RBFOX1: variants seen among roughly 807,000 people sequenced by gnomAD.
RBFOX1 encodes RNA binding protein fox-1 homolog 1.
A neutral mutation model predicts 57.7 loss-of-function variants in RBFOX1; 8 were observed. The ratio of observed to expected loss-of-function variants is 0.14; its 90% CI spans 0.08 to 0.25. The LOEUF is 0.25. RBFOX1 is among the 10% of genes least tolerant of loss of function. RBFOX1 has a pLI of 1.00. For missense variants in RBFOX1, 611 were observed against 548.5 expected, an observed-to-expected ratio of 1.11 and a Z score of -1.14; for synonymous variants, 326 against 222.4, an observed-to-expected ratio of 1.47 and a Z score of -4.15.
chr16:5,833,953 G>T (rs775533190), intron 3 of RBFOX1, among the ~76,000 whole-genome samples: 1 of 152,172 alleles, frequency 6.6e-6, no homozygotes. Context: ...CGTGTTTGAA[G>T]CTCCCTTTCC....
intron 4 of RBFOX1, among the ~76,000 whole-genome samples, chr16:7,176,177 A>C (rs1203936192): frequency 7.9e-6 from 1 of 126,612 alleles, no homozygotes; most frequent in African/African-American, 3.3e-5. Flanking sequence ...AGGCTCCTTA[A>C]CTGTGTTAGC....
At chr16:7,709,742 G>C (rs2083634001) in intron 15 of RBFOX1, 1 of 354,414 alleles carries the variant, frequency 2.8e-6, no homozygotes, top group Non-Finnish European at 3.5e-6. Flanking sequence ...CTGGGTTTTT[G>C]TTTTGGGAGG....
At chr16:6,714,917 G>C (rs575793325) in intron 3 of RBFOX1, among the ~76,000 whole-genome samples, 2 of 152,314 alleles carry the variant, frequency 1.3e-5, no homozygotes, top group African/African-American at 4.8e-5. Context: ...TAAAAGTGGA[G>C]ACAGATTGGA....
At chr16:5,953,459 AC>A (rs1377375516) in intron 4 of RBFOX1, among the ~76,000 whole-genome samples, 1 of 151,922 alleles carries the variant, frequency 6.6e-6, no homozygotes, top group Non-Finnish European at 1.5e-5. Context: ...TGTACGCTGC[AC>A]CCAGTTTGTA....
chr16:6,600,389 A>G (rs1321063598), intron 2 of RBFOX1, among the ~76,000 whole-genome samples: 2 of 152,084 alleles, frequency 1.3e-5, no homozygotes, highest in East Asian at 1.9e-4. Flanking sequence ...TTCCGTTACA[A>G]TCATGTTTTA....
chr16:5,948,149 T>C (rs1268185601), intron 4 of RBFOX1, among the ~76,000 whole-genome samples: 2 of 152,146 alleles, frequency 1.3e-5, no homozygotes, highest in Non-Finnish European at 1.5e-5. Context: ...ACTCTTTCCC[T>C]AATGCTATAT....
intron 3 of RBFOX1, among the ~76,000 whole-genome samples, chr16:7,029,071 TATATATATATACACACACACACAC>T (rs1252184145): frequency 0.046 from 1,180 of 25,534 alleles, 112 homozygotes; most frequent in Non-Finnish European, 0.058. Flanking sequence ...TATATATATA[TATATATATATACACACACACACAC>T]ACACACACAC....
At chr16:6,450,775 A>ATATG (rs2094578298) in intron 2 of RBFOX1, among the ~76,000 whole-genome samples, 2 of 35,196 alleles carry the variant, frequency 5.7e-5, no homozygotes, top group Non-Finnish European at 9.9e-5. Context: ...GTGTATATAT[A>ATATG]TATATATATA....
At chr16:6,398,137 C>G (rs911705518) in intron 2 of RBFOX1, among the ~76,000 whole-genome samples, 1 of 152,052 alleles carries the variant, frequency 6.6e-6, no homozygotes, top group Non-Finnish European at 1.5e-5. Flanking sequence ...GAGCAAAGCC[C>G]CTTAGAAAAC....
intron 4 of RBFOX1, among the ~76,000 whole-genome samples, chr16:7,437,398 C>A (rs1354981423): frequency 1.3e-5 from 2 of 152,084 alleles, no homozygotes; most frequent in African/African-American, 2.4e-5. Context: ...TAGGCTCTCC[C>A]ATGTCAGATT....
intron 4 of RBFOX1, among the ~76,000 whole-genome samples, chr16:7,300,861 C>T (rs375891637): frequency 2.2e-4 from 34 of 152,142 alleles, no homozygotes; most frequent in African/African-American, 7.2e-4. Context: ...TTTTCAGCTT[C>T]CTGTGGGGTA....
At chr16:6,623,268 C>G (rs546151994) in intron 2 of RBFOX1, among the ~76,000 whole-genome samples, 4 of 151,990 alleles carry the variant, frequency 2.6e-5, no homozygotes, top group Non-Finnish European at 5.9e-5. Context: ...CAGAGCTAAC[C>G]TGGAATTTGA....
chr16:6,731,104 T>TCCTC (rs1363957057), intron 3 of RBFOX1, among the ~76,000 whole-genome samples: 1 of 152,104 alleles, frequency 6.6e-6, no homozygotes, highest in Non-Finnish European at 1.5e-5. Flanking sequence ...CTGGTTATAT[T>TCCTC]CCTCCCTTGG....
intron 3 of RBFOX1, among the ~76,000 whole-genome samples, chr16:5,700,666 G>C (rs570185897): frequency 6.6e-6 from 1 of 152,168 alleles, no homozygotes; most frequent in African/African-American, 2.4e-5. Context: ...AATTTCTTCA[G>C]TTCTGTTATT....
intron 3 of RBFOX1, among the ~76,000 whole-genome samples, chr16:6,820,150 G>A (rs932638879): frequency 1.3e-4 from 20 of 152,116 alleles, no homozygotes; most frequent in Non-Finnish European, 2.5e-4. Flanking sequence ...TCTCTTGCCT[G>A]CCGCCATATA....
chr16:6,971,707 G>C (rs2085588843), intron 3 of RBFOX1, among the ~76,000 whole-genome samples: 1 of 152,138 alleles, frequency 6.6e-6, no homozygotes, highest in African/African-American at 2.4e-5. Flanking sequence ...TTAGGGTGTT[G>C]TTAGCAGACC....
chr16:6,350,296 T>C (rs1320410621), intron 2 of RBFOX1, among the ~76,000 whole-genome samples: 1 of 150,916 alleles, frequency 6.6e-6, no homozygotes, highest in Admixed American at 6.6e-5. Flanking sequence ...ATTAGCCGGG[T>C]GTGGTTGCGT....
At chr16:7,242,834 C>T (rs1016322169) in intron 4 of RBFOX1, among the ~76,000 whole-genome samples, 8 of 152,152 alleles carry the variant, frequency 5.3e-5, no homozygotes, top group South Asian at 4.1e-4. Context: ...ACTGACTTTG[C>T]CAGGTTTGGA....
intron 3 of RBFOX1, among the ~76,000 whole-genome samples, chr16:6,848,034 GT>G (rs1488228648): frequency 2.0e-5 from 3 of 152,090 alleles, no homozygotes; most frequent in Non-Finnish European, 2.9e-5. Context: ...GTCTTACCAT[GT>G]TGGCCAGGCT....
Sources: allele counts gnomAD v4.1 joint callset (sites outside exome capture counted in the v4.1 genomes callset), GRCh38; gene constraint gnomAD v4.1.1; transcripts MANE v1.5; gene names NCBI Gene and HGNC (gene_info 2026-07-23, HGNC 2026-07-21).